Variants in SEPTIN10 observed in about 807,000 individuals in gnomAD.
The protein encoded by SEPTIN10 is septin 10.
Under a neutral mutation model 54.8 loss-of-function variants are expected in SEPTIN10, and 66 were observed. The ratio of observed to expected loss-of-function variants is 1.21; its 90% CI spans 0.99 to 1.48. The LOEUF (loss-of-function observed/expected upper bound fraction) is 1.48. Among genes scored for constraint, SEPTIN10 ranks in the 40% most tolerant of loss-of-function variants. SEPTIN10 has a pLI of 0.00. For synonymous variants in SEPTIN10, 161 were observed against 181.0 expected, an observed-to-expected ratio of 0.89 and a Z score of 0.89; for missense variants, 620 against 545.6, an observed-to-expected ratio of 1.14 and a Z score of -1.36.
At chr2:109,583,668 C>A (rs1480745393) in intron 4 of SEPTIN10, among the ~76,000 whole-genome samples, 3 of 152,052 alleles carry the variant, frequency 2.0e-5, no homozygotes, top group Non-Finnish European at 4.4e-5. Flanking sequence ...CTCATTCTAC[C>A]AAAAAGACAC....
At position 109,613,940 on chromosome 2, in the gene SEPTIN10, C is replaced by G; in HGVS notation, c.-113G>C. 1 of 1,209,386 alleles carries G rather than the reference C, an allele frequency of 8.3e-7. No individual in the cohort carries two copies. Among genetic ancestry groups the G allele is most frequent in the Non-Finnish European group, 1.0e-6 (1 of 973,196 alleles). 74.9% of individuals were successfully genotyped at this position (1,209,386 alleles called of 1,614,324 possible). A position where few individuals can be genotyped will look rare whatever the true frequency, so the allele number is the denominator to read the frequency against. On this transcript the variant is annotated 5_prime_UTR_variant, in exon 1 of 11. Coordinates refer to ENST00000397712, the MANE Select transcript of SEPTIN10 (RefSeq NM_144710.5). ...CAGAAGCAACGGGCGGGGCGCGAGG[C>G]TAGGCTGCCTCCGCGACGGGGAAGG...
At chr2:109,576,498 TAAC>T (rs1253486683) in intron 4 of SEPTIN10, among the ~76,000 whole-genome samples, 3 of 152,204 alleles carry the variant, frequency 2.0e-5, no homozygotes, top group Non-Finnish European at 4.4e-5. Flanking sequence ...GTGATTATTA[TAAC>T]AACAGTTAAG....
chr2:109,584,474 CAAAAAAAAAAA>C (rs71958517), intron 4 of SEPTIN10, among the ~76,000 whole-genome samples: 1 of 72,044 alleles, frequency 1.4e-5, no homozygotes, highest in Non-Finnish European at 2.6e-5. Flanking sequence ...GACTCTGTCT[CAAAAAAAAAAA>C]AAAAAAAAAA....
intron 10 of SEPTIN10, chr2:109,545,141 G>A (rs893034746): frequency 5.1e-6 from 5 of 985,176 alleles, no homozygotes; most frequent in Middle Eastern, 5.2e-4. Flanking sequence ...GCTCTGTGGG[G>A]AACATGGGAG....
intron 9 of SEPTIN10, among the ~76,000 whole-genome samples, chr2:109,550,573 C>T (rs935900222): frequency 3.3e-5 from 5 of 152,072 alleles, no homozygotes; most frequent in Non-Finnish European, 5.9e-5. Flanking sequence ...CTCGGCCTCC[C>T]GAAGTGCTAG....
chr2:109,557,806 A>T (rs1684720706), intron 8 of SEPTIN10, among the ~76,000 whole-genome samples: 1 of 152,002 alleles, frequency 6.6e-6, no homozygotes, highest in South Asian at 2.1e-4. Context: ...TTCTTGCTAT[A>T]CTATTCCCTT....
At chr2:109,604,455 G>A (rs1424056037) in intron 1 of SEPTIN10, among the ~76,000 whole-genome samples, 1 of 149,794 alleles carries the variant, frequency 6.7e-6, no homozygotes, top group Non-Finnish European at 1.5e-5. Context: ...GGCCGGGCGT[G>A]GTGGCTGAGG....
At chr2:109,580,630 G>C (rs976904133) in intron 4 of SEPTIN10, among the ~76,000 whole-genome samples, 2 of 152,014 alleles carry the variant, frequency 1.3e-5, no homozygotes, top group Admixed American at 6.6e-5. Flanking sequence ...AACAATGAAA[G>C]AAAGAAAAAT....
At chr2:109,612,459 G>C (rs1699460263) in intron 1 of SEPTIN10, among the ~76,000 whole-genome samples, 1 of 152,096 alleles carries the variant, frequency 6.6e-6, no homozygotes, top group Admixed American at 6.5e-5. Context: ...GTGGAAAGGT[G>C]GATAAAGGGT....
chr2:109,585,999 A>G (rs1380015524), intron 2 of SEPTIN10, among the ~76,000 whole-genome samples, 161 bp from the exon 3 acceptor site: 2 of 152,228 alleles, frequency 1.3e-5, no homozygotes, highest in African/African-American at 4.8e-5. Context: ...TTTTCAGGAA[A>G]AGAAACCTGT....
At chr2:109,612,497 T>A (rs1018750673) in intron 1 of SEPTIN10, among the ~76,000 whole-genome samples, 1 of 152,234 alleles carries the variant, frequency 6.6e-6, no homozygotes, top group Admixed American at 6.5e-5. Flanking sequence ...CTGTATTATT[T>A]CTTACAACTG....
In SEPTIN10 at chr2:109,597,946, G is replaced by A. The variant is rs78014138; in HGVS notation, c.31-4827C>T. 4.0e-3 allele frequency among the ~76,000 whole-genome samples: 606 copies of A among 152,232 alleles called. 3 individuals carry two copies. The highest frequency in any genetic ancestry group is 0.014 in the Middle Eastern group (4 of 294). On this transcript the variant is annotated intron_variant, in intron 1 of 10. Coordinates refer to ENST00000397712, the MANE Select transcript of SEPTIN10 (RefSeq NM_144710.5). ...TGCTTCTTTTCCAACAGGCCCCTAG[G>A]TAACAATTTTCCTTACCCTGCTGGG... is the stretch of plus-strand genomic sequence containing the variant.
At chr2:109,545,457 T>C in intron 10 of SEPTIN10, 1 of 1,536,172 alleles carries the variant, frequency 6.5e-7, no homozygotes, top group Non-Finnish European at 8.7e-7. Flanking sequence ...TGGCCCTCTC[T>C]ACCTTTCTCT....
At chr2:109,558,931 G>C (rs1383016248) in intron 8 of SEPTIN10, among the ~76,000 whole-genome samples, 1 of 151,914 alleles carries the variant, frequency 6.6e-6, no homozygotes, top group East Asian at 1.9e-4. Context: ...TGTTGCCCAG[G>C]CTGGAGTGCA....
At chr2:109,566,184 G>A (rs1395240928) in intron 6 of SEPTIN10, among the ~76,000 whole-genome samples, 3 of 151,904 alleles carry the variant, frequency 2.0e-5, no homozygotes, top group Admixed American at 2.0e-4. Flanking sequence ...GCAGTGACAC[G>A]ATCTCATCTC....
intron 1 of SEPTIN10, among the ~76,000 whole-genome samples, chr2:109,612,155 C>T (rs150547496): frequency 1.3e-3 from 205 of 152,024 alleles, no homozygotes; most frequent in African/African-American, 4.8e-3. Flanking sequence ...TATGCAACAA[C>T]CTGGATGAAT....
intron 1 of SEPTIN10, among the ~76,000 whole-genome samples, chr2:109,601,427 A>G (rs1696571986): frequency 6.6e-6 from 1 of 152,248 alleles, no homozygotes; most frequent in Non-Finnish European, 1.5e-5. Flanking sequence ...CAGGGTATTA[A>G]CAATTTTTAA....
Position 109,585,135 on chromosome 2 carries a change from T to G in SEPTIN10, c.404A>C (p.Lys135Thr), listed in dbSNP as rs1490329152. The change falls in exon 4 of 11, where the codon AAA becomes ACA. Residue 135 changes from lysine (K) to threonine (T), a missense_variant. Physicochemically the swap from Lys to Thr is moderately conservative, Grantham distance 78. Transcript: ENST00000397712. ...AGAAGAAAACACATACCTCTCTTCT[T>G]TATTTATTTGGTCACCAAATCCCAC... ...NTVGFGDQIN[K>T]EESYQPIVDY... 3.8e-6 allele frequency: 6 copies of G among 1,574,102 alleles called. No individual in the cohort carries two copies. The highest frequency in any genetic ancestry group is 4.3e-6 in the Non-Finnish European group (5 of 1,161,782).
intron 2 of SEPTIN10, among the ~76,000 whole-genome samples, chr2:109,590,067 C>T (rs1035394001): frequency 6.9e-6 from 1 of 144,704 alleles, no homozygotes; most frequent in African/African-American, 2.5e-5. Flanking sequence ...TATATATATA[C>T]ACACACATAT....
Sources: allele counts gnomAD v4.1 joint callset (sites outside exome capture counted in the v4.1 genomes callset), GRCh38; gene constraint gnomAD v4.1.1; transcripts MANE v1.5; gene names NCBI Gene and HGNC (gene_info 2026-07-23, HGNC 2026-07-21).